ASCC1: variants seen among roughly 807,000 people sequenced by gnomAD.
ASCC1 encodes the protein activating signal cointegrator 1 complex subunit 1.
In ASCC1, 35 loss-of-function variants were observed where a neutral mutation model predicts 46.6. The observed-to-expected ratio is 0.75, with a 90% CI of 0.57 to 0.99. The LOEUF is 0.99. Ranked by LOEUF, ASCC1 falls within the 50% of genes least tolerant of loss-of-function variation. The pLI is 0.00. For missense variants in ASCC1, 376 were observed against 428.7 expected, an observed-to-expected ratio of 0.88 and a Z score of 1.09; for synonymous variants, 143 against 146.6, an observed-to-expected ratio of 0.98 and a Z score of 0.18.
chr10:72,161,679 T>C lies in ASCC1; in HGVS notation c.490-5A>G, dbSNP rs972449084. On this transcript the variant is annotated splice_region_variant and splice_polypyrimidine_tract_variant and intron_variant, in intron 5 of 9. Transcript: ENST00000672957. ...GCTGCTGTCAACCCCATGATCCTGT[T>C]ATCAAAGAGAGAAAAACAAGAAACT... The C allele has an allele frequency of 6.2e-7, 1 of 1,614,100 alleles. No homozygotes were observed. Among genetic ancestry groups the C allele is most frequent in the Non-Finnish European group, 8.5e-7 (1 of 1,180,024 alleles).
chr10:72,153,491 T>A (rs1162702101), intron 6 of ASCC1, among the ~76,000 whole-genome samples: 2 of 152,192 alleles, frequency 1.3e-5, no homozygotes, highest in African/African-American at 4.8e-5. Flanking sequence ...AGTGGCGTGA[T>A]CTCGGCTCAC....
At chr10:72,174,217 C>T (rs1851589556) in intron 5 of ASCC1, among the ~76,000 whole-genome samples, 1 of 152,188 alleles carries the variant, frequency 6.6e-6, no homozygotes, top group Admixed American at 6.5e-5. Flanking sequence ...CAAACTGCAG[C>T]TCATGATTTA....
Position 72,111,146 on chromosome 10 carries a change from G to A in ASCC1, c.958-13696C>T, listed in dbSNP as rs1198734427. On this transcript the variant is annotated intron_variant, in intron 9 of 9. Transcript: ENST00000672957. ...CAAAATGCTTTGGAAGAGAGAGAGG[G>A]TTATCATCTCCGTGCATGTCACAGT... Among the ~76,000 whole-genome samples, 3 of 152,096 alleles carry A rather than the reference G, an allele frequency of 2.0e-5. No individual in the cohort carries two copies. In the East Asian group the frequency reaches 5.8e-4, roughly 29 times the overall value.
At chr10:72,171,863 T>C (rs1851133775) in intron 5 of ASCC1, among the ~76,000 whole-genome samples, 1 of 152,196 alleles carries the variant, frequency 6.6e-6, no homozygotes, top group Non-Finnish European at 1.5e-5. Flanking sequence ...ACATGCCCCC[T>C]TCCCAAAATG....
chr10:72,161,118 T>C (rs1441805068), intron 6 of ASCC1, among the ~76,000 whole-genome samples: 1 of 148,244 alleles, frequency 6.7e-6, no homozygotes, highest in Non-Finnish European at 1.5e-5. Context: ...TCAGTATTTC[T>C]AAAATATAAT....
intron 5 of ASCC1, among the ~76,000 whole-genome samples, chr10:72,176,344 T>C (rs1012818677): frequency 1.3e-5 from 2 of 152,052 alleles, no homozygotes; most frequent in African/African-American, 4.8e-5. Context: ...AACTAGTTTG[T>C]TTCTTTCTTT....
Position 72,159,889 on chromosome 10 carries a change from GTAT to G in ASCC1, c.626+1646_626+1648del. 3.4e-5 allele frequency among the ~76,000 whole-genome samples: 5 copies of G among 149,026 alleles called. No individual in the cohort carries two copies. In the South Asian group the frequency reaches 1.1e-3, roughly 31 times the overall value. The stretch of plus-strand genomic sequence containing the variant: ...AAGATAACTGGCCCATAAAGTGTTT[GTAT>G]TACACAGTTTCTTTTTTTTTTTTTT... On this transcript the variant is annotated intron_variant, in intron 6 of 9. Transcript: ENST00000672957.
chr10:72,181,640 G>GA (rs199635107), intron 5 of ASCC1, among the ~76,000 whole-genome samples: 7 of 146,318 alleles, frequency 4.8e-5, no homozygotes, highest in East Asian at 2.0e-4. Context: ...CTGAAGCAGA[G>GA]AAAAAAAAAC....
intron 5 of ASCC1, among the ~76,000 whole-genome samples, chr10:72,164,152 G>A (rs1850054989): frequency 6.6e-6 from 1 of 151,818 alleles, no homozygotes; most frequent in Non-Finnish European, 1.5e-5. Flanking sequence ...TTGTAGACAG[G>A]GTTTTTACCA....
At chr10:72,101,834 C>T (rs990038669) in intron 9 of ASCC1, among the ~76,000 whole-genome samples, 2 of 152,026 alleles carry the variant, frequency 1.3e-5, no homozygotes, top group Non-Finnish European at 2.9e-5. Context: ...AGTGTCTCAA[C>T]TACAAACAGG....
Position 72,163,690 on chromosome 10 carries a change from G to A in ASCC1, c.490-2016C>T, listed in dbSNP as rs534788903. On this transcript the variant is annotated intron_variant, in intron 5 of 9. Transcript: ENST00000672957. ...GAAAAGGTTGCAGTGAGCCGAGATC[G>A]CACCACTGCACTCCAGCCTAGGAGA... is the stretch of plus-strand genomic sequence containing the variant. Among the ~76,000 whole-genome samples the A allele has an allele frequency of 3.8e-3, 581 of 151,446 alleles. 4 individuals carry two copies. Among genetic ancestry groups the A allele is most frequent in the African/African-American group, 0.013 (542 of 41,282 alleles).
At chr10:72,128,752 T>C (rs1347118273) in intron 8 of ASCC1, among the ~76,000 whole-genome samples, 3 of 152,258 alleles carry the variant, frequency 2.0e-5, no homozygotes, top group Admixed American at 6.5e-5. Flanking sequence ...TGCTCTAGCT[T>C]CTTAAGTTAA....
intron 6 of ASCC1, among the ~76,000 whole-genome samples, chr10:72,156,059 C>A (rs1388778365): frequency 1.3e-5 from 2 of 152,172 alleles, no homozygotes; most frequent in Non-Finnish European, 2.9e-5. Flanking sequence ...GAATTGTAAT[C>A]CCTAATGTTG....
intron 7 of ASCC1, among the ~76,000 whole-genome samples, chr10:72,141,036 T>TATAGATAGATAGATAGATAGATAG (rs10655614): frequency 3.5e-5 from 5 of 144,172 alleles, no homozygotes; most frequent in Non-Finnish European, 6.0e-5. Flanking sequence ...TCAAATTGTT[T>TATAGATAGATAGATAGATAGATAG]ATAGATAGAT....
intron 5 of ASCC1, among the ~76,000 whole-genome samples, chr10:72,193,445 AAC>A (rs57910616): frequency 0.027 from 3,902 of 146,212 alleles, 104 homozygotes; most frequent in African/African-American, 0.067. Flanking sequence ...TAATAAACAA[AAC>A]ACACACACAC....
At position 72,097,114 on chromosome 10, in the gene ASCC1, A is replaced by G. The variant is rs1266069929; in HGVS notation, c.*220T>C. The G allele has an allele frequency of 1.6e-6, 1 of 613,440 alleles. No individual in the cohort carries two copies. Among genetic ancestry groups the G allele is most frequent in the African/African-American group, 1.8e-5 (1 of 55,200 alleles). 38.0% of individuals were successfully genotyped at this position (613,440 alleles called of 1,614,324 possible). ...ATTAAAAGAAAAAAAACCAGAACACACTAAGGGTTATAGGCACAAATTCTC... is the reference window on the plus strand; with the variant it reads ...ATTAAAAGAAAAAAAACCAGAACACGCTAAGGGTTATAGGCACAAATTCTC... On this transcript the variant is annotated 3_prime_UTR_variant, in exon 10 of 10. Coordinates refer to ENST00000672957, the MANE Select transcript of ASCC1 (RefSeq NM_001198800.3).
intron 5 of ASCC1, among the ~76,000 whole-genome samples, chr10:72,189,744 G>A (rs377287032): frequency 6.9e-6 from 1 of 145,256 alleles, no homozygotes; most frequent in Non-Finnish European, 1.5e-5. Flanking sequence ...GGAGGTTGCA[G>A]TGAGCCGAGA....
In ASCC1 at chr10:72,197,290, T is replaced by C. The variant is rs758954476; in HGVS notation, c.311-301A>G. Among the ~76,000 whole-genome samples the C allele has an allele frequency of 1.8e-3, 277 of 151,068 alleles. 3 individuals are homozygous for C. Among genetic ancestry groups the C allele is most frequent in the Non-Finnish European group, 8.4e-4 (57 of 67,726 alleles). On this transcript the variant is annotated intron_variant, in intron 4 of 9. Coordinates refer to ENST00000672957, the MANE Select transcript of ASCC1 (RefSeq NM_001198800.3). Reference sequence around the variant, plus strand: ...ATCGAGACCATCCTGGCTAACACAGTGAAACCCCACCTCTACTAAAAATAC... The same window carrying C: ...ATCGAGACCATCCTGGCTAACACAGCGAAACCCCACCTCTACTAAAAATAC...
At chr10:72,178,014 C>A (rs1348646256) in intron 5 of ASCC1, among the ~76,000 whole-genome samples, 1 of 152,014 alleles carries the variant, frequency 6.6e-6, no homozygotes, top group Admixed American at 6.6e-5. Flanking sequence ...GGAATGCTAT[C>A]CTAAAAGGTA....
Sources: gnomAD v4.1 joint callset for allele counts (sites outside exome capture counted in the v4.1 genomes callset) on GRCh38, gnomAD v4.1.1 for gene constraint, MANE v1.5 for transcripts, NCBI Gene and HGNC (gene_info 2026-07-23, HGNC 2026-07-21) for gene names.